ATP10B: variants seen among roughly 807,000 people sequenced by gnomAD.
The protein encoded by ATP10B is ATPase phospholipid transporting 10B (putative).
Under a neutral mutation model 141.2 loss-of-function variants are expected in ATP10B, and 122 were observed. The ratio of observed to expected loss-of-function variants is 0.86; its 90% CI spans 0.75 to 1.00. The LOEUF (loss-of-function observed/expected upper bound fraction) is 1.00. Ranked by LOEUF, ATP10B falls within the 50% of genes least tolerant of loss-of-function variation. The pLI is 0.00. For missense variants in ATP10B, 1,876 were observed against 1,825.3 expected, an observed-to-expected ratio of 1.03 and a Z score of -0.51; for synonymous variants, 685 against 692.0, an observed-to-expected ratio of 0.99 and a Z score of 0.16.
intron 1 of ATP10B, among the ~76,000 whole-genome samples, chr5:160,829,782 T>G (rs1412030306): frequency 6.6e-6 from 1 of 152,152 alleles, no homozygotes; most frequent in African/African-American, 2.4e-5. Context: ...GAAACGCTAC[T>G]GATTTTTGTA....
rs770102495 is a variant in ATP10B at position 160,569,451 on chromosome 5, G to C, written c.3938+45C>G. 8.7e-6 allele frequency: 14 copies of C among 1,601,250 alleles called. No individual in the cohort carries two copies. In the Admixed American group the frequency reaches 1.0e-4, roughly 12 times the overall value. ...GGTTATAAAAATGGCTTATTAAAGG[G>C]AGATTGGTAATTTTAGGAAAGAAAC... On this transcript the variant is annotated intron_variant, in intron 25 of 25. Transcript: ENST00000327245.
chr5:160,881,948 G>A, the ATP10B span, among the ~76,000 whole-genome samples: 1 of 152,112 alleles, frequency 6.6e-6, no homozygotes. Context: ...AAAAAAGTTA[G>A]TGATCAGGCC....
intron 19 of ATP10B, 117 bp from the exon 20 acceptor site, chr5:160,604,158 C>T: frequency 2.7e-6 from 2 of 750,632 alleles, no homozygotes; most frequent in South Asian, 1.5e-5. Context: ...TACTCTAGTG[C>T]TATAGAAAGT....
At position 160,620,732 on chromosome 5, in the gene ATP10B, G is replaced by A. The variant is rs778652558; in HGVS notation, c.2031C>T (p.Asp677=). Residue 677 remains aspartate (D), a synonymous_variant, in exon 15 of 26, where the codon GAC becomes GAT. Coordinates refer to ENST00000327245, the MANE Select transcript of ATP10B (RefSeq NM_025153.3). Reference sequence around the variant, plus strand: ...CCCACATGCTGCTCCTGTAGCCACCGTCATCAGTGGAGTCACCTCCACTGC... The same window carrying A: ...CCCACATGCTGCTCCTGTAGCCACCATCATCAGTGGAGTCACCTCCACTGC... ...SVCSGGDSTD[D]GGYRSSMWDQ... 6.2e-7 allele frequency: 1 copy of A among 1,614,174 alleles called. No homozygotes were observed. The highest frequency in any genetic ancestry group is 8.5e-7 in the Non-Finnish European group (1 of 1,180,028).
intron 2 of ATP10B, among the ~76,000 whole-genome samples, chr5:160,719,434 G>T (rs765262672): frequency 3.9e-5 from 6 of 152,202 alleles, no homozygotes; most frequent in Non-Finnish European, 8.8e-5. Flanking sequence ...AACTACTTTT[G>T]CAACAACCCA....
upstream of ATP10B, among the ~76,000 whole-genome samples, chr5:160,856,838 T>C (rs1409985187): frequency 6.6e-6 from 1 of 151,880 alleles, no homozygotes; most frequent in African/African-American, 2.4e-5. Context: ...ATGTAATTTT[T>C]CTGCTTTAGC....
chr5:160,750,996 A>T (rs1768114890), intron 2 of ATP10B, among the ~76,000 whole-genome samples: 1 of 152,158 alleles, frequency 6.6e-6, no homozygotes, highest in Admixed American at 6.5e-5. Context: ...CCATCCCTCC[A>T]AACACCAGTG....
At chr5:160,902,445 C>T in the ATP10B span, among the ~76,000 whole-genome samples, 1 of 152,152 alleles carries the variant, frequency 6.6e-6, no homozygotes, top group Admixed American at 6.5e-5. Context: ...CTGTCAAACA[C>T]TCAGCAACAT....
chr5:160,800,702 C>G (rs1772318615), intron 1 of ATP10B, among the ~76,000 whole-genome samples: 1 of 152,188 alleles, frequency 6.6e-6, no homozygotes, highest in Non-Finnish European at 1.5e-5. Flanking sequence ...TAATTGGTTT[C>G]TTTCTTCACT....
At chr5:160,734,580 A>G (rs1263804820) in intron 2 of ATP10B, among the ~76,000 whole-genome samples, 3 of 152,036 alleles carry the variant, frequency 2.0e-5, no homozygotes, top group South Asian at 2.1e-4. Flanking sequence ...AACCACTGAA[A>G]AAAATGTGAA....
At chr5:160,913,763 T>A in the ATP10B span, among the ~76,000 whole-genome samples, 5 of 152,206 alleles carry the variant, frequency 3.3e-5, no homozygotes, top group Admixed American at 3.3e-4. Context: ...CAATGAGTTA[T>A]TCAGAGCATG....
At chr5:160,827,954 T>C (rs1774757590) in intron 1 of ATP10B, among the ~76,000 whole-genome samples, 1 of 152,206 alleles carries the variant, frequency 6.6e-6, no homozygotes, top group Admixed American at 6.5e-5. Context: ...TCTATATCTC[T>C]GTTTTGGTAC....
intron 1 of ATP10B, among the ~76,000 whole-genome samples, chr5:160,850,091 T>A (rs967117724): frequency 3.9e-5 from 6 of 152,104 alleles, no homozygotes; most frequent in Non-Finnish European, 7.4e-5. Context: ...TGGCAGAAGC[T>A]GTTTGAAGAA....
rs542111553 is a variant in ATP10B, at chr5:160,812,947, A to G, written c.-575-27144T>C. Among the ~76,000 whole-genome samples the G allele has an allele frequency of 7.2e-5, 11 of 152,360 alleles. 1 individual carries two copies. The Middle Eastern group carries it at 0.01, about 141-fold the overall frequency. On this transcript the variant is annotated intron_variant, in intron 1 of 25. Transcript: ENST00000327245. ...GATTTAATCCAAAGAAGACTACCTC[A>G]AGGCATTTAATAATCAAACTTATGA... is the stretch of plus-strand genomic sequence containing the variant.
intron 3 of ATP10B, among the ~76,000 whole-genome samples, chr5:160,690,731 A>AAT (rs1241677761): frequency 8.5e-5 from 13 of 152,250 alleles, no homozygotes; most frequent in Admixed American, 8.5e-4. Context: ...GATATGGAGT[A>AAT]ATAAGAATGC....
intron 6 of ATP10B, among the ~76,000 whole-genome samples, chr5:160,681,294 A>C (rs1252661453): frequency 6.6e-6 from 1 of 152,216 alleles, no homozygotes; most frequent in South Asian, 2.1e-4. Context: ...TCCTCAGTCC[A>C]TCTCACAGGA....
chr5:160,857,751 G>A, the ATP10B span, among the ~76,000 whole-genome samples: 1 of 151,572 alleles, frequency 6.6e-6, no homozygotes, highest in East Asian at 1.9e-4. Context: ...CTTGAGATTT[G>A]CTGTTTTATT....
At chr5:160,848,374 G>A (rs1326453092) in intron 1 of ATP10B, among the ~76,000 whole-genome samples, 2 of 152,132 alleles carry the variant, frequency 1.3e-5, no homozygotes, top group Non-Finnish European at 2.9e-5. Flanking sequence ...TGATAGATGA[G>A]AAAATTGAGG....
At chr5:160,814,127 G>T (rs982810598) in intron 1 of ATP10B, among the ~76,000 whole-genome samples, 2 of 152,192 alleles carry the variant, frequency 1.3e-5, no homozygotes, top group African/African-American at 4.8e-5. Context: ...AACAAAGCTG[G>T]AAGGAGAATG....
Sources: allele counts gnomAD v4.1 joint callset (sites outside exome capture counted in the v4.1 genomes callset), GRCh38; gene constraint gnomAD v4.1.1; transcripts MANE v1.5; gene names NCBI Gene and HGNC (gene_info 2026-07-23, HGNC 2026-07-21).